ACSL5: variants seen among roughly 807,000 people sequenced by gnomAD.
The protein encoded by ACSL5 is long-chain-fatty-acid--CoA ligase 5.
In ACSL5, 50 loss-of-function variants were observed where a neutral mutation model predicts 84.9. That is an observed-to-expected ratio of 0.59 (90% CI 0.47 to 0.75). The LOEUF is 0.75. Among genes scored for constraint, ACSL5 ranks in the 30% least tolerant of loss-of-function variants. ACSL5 has a pLI of 0.00. For synonymous variants in ACSL5, 280 were observed against 300.7 expected, an observed-to-expected ratio of 0.93 and a Z score of 0.71; for missense variants, 775 against 830.4, an observed-to-expected ratio of 0.93 and a Z score of 0.82.
chr10:112,415,200 TGTTTTG>T (rs1403162790), intron 12 of ACSL5, among the ~76,000 whole-genome samples: 1 of 152,166 alleles, frequency 6.6e-6, no homozygotes, highest in Admixed American at 6.5e-5. Context: ...ATTTTTTTTT[TGTTTTG>T]TTTTTGTTTT....
chr10:112,420,914 G>T (rs1054456639), intron 14 of ACSL5, among the ~76,000 whole-genome samples: 1 of 152,002 alleles, frequency 6.6e-6, no homozygotes, highest in African/African-American at 2.4e-5. Flanking sequence ...TAGAGATGGG[G>T]TTTCACCATG....
intron 17 of ACSL5, among the ~76,000 whole-genome samples, chr10:112,422,791 G>T (rs928101529): frequency 2.4e-4 from 36 of 151,018 alleles, no homozygotes; most frequent in African/African-American, 8.5e-4. Flanking sequence ...AGGAGATAGA[G>T]GTTGCAGTGA....
rs761105037 is a variant in ACSL5 at position 112,392,569 on chromosome 10, G to A, written c.-29-2349G>A. Among the ~76,000 whole-genome samples, 9 of 151,974 alleles carry A rather than the reference G, an allele frequency of 5.9e-5. No individual in the cohort carries two copies. The South Asian group carries it at 8.3e-4, about 14-fold the overall frequency. On this transcript the variant is annotated intron_variant, in intron 1 of 20. Coordinates refer to ENST00000354655, the MANE Select transcript of ACSL5 (RefSeq NM_203379.2). ...ATCCTGGCCAACATAGTGAAACCCCGTCTCTACTAAAAATACAAAAAAGTA... is the reference window on the plus strand; with the variant it reads ...ATCCTGGCCAACATAGTGAAACCCCATCTCTACTAAAAATACAAAAAAGTA...
At chr10:112,382,779 G>A (rs2133566205) in intron 1 of ACSL5, among the ~76,000 whole-genome samples, 1 of 152,342 alleles carries the variant, frequency 6.6e-6, no homozygotes, top group African/African-American at 2.4e-5. Context: ...GTTAGATGCT[G>A]TCTAGCAATT....
intron 12 of ACSL5, among the ~76,000 whole-genome samples, chr10:112,414,142 A>G (rs1844257441): frequency 6.6e-6 from 1 of 152,128 alleles, no homozygotes; most frequent in Non-Finnish European, 1.5e-5. Context: ...TAGAAATTAC[A>G]GAATGGTGAT....
chr10:112,417,112 G>T, intron 13 of ACSL5, 90 bp downstream of exon 13: 2 of 1,429,768 alleles, frequency 1.4e-6, no homozygotes, highest in Non-Finnish European at 1.9e-6. Flanking sequence ...CTGCTTGAGC[G>T]TCACTTTAAC....
chr10:112,394,833 T>C (rs1843710998), intron 1 of ACSL5, 85 bp from the exon 2 acceptor site: 1 of 1,552,536 alleles, frequency 6.4e-7, no homozygotes, highest in East Asian at 2.2e-5. Context: ...TGTGTGTGTG[T>C]GTGTCCTTCT....
At chr10:112,378,768 C>T (rs1849292445) in intron 1 of ACSL5, among the ~76,000 whole-genome samples, 1 of 152,174 alleles carries the variant, frequency 6.6e-6, no homozygotes, top group Non-Finnish European at 1.5e-5. Flanking sequence ...GTCTATTTCT[C>T]CCCTCTATGT....
chr10:112,405,152 C>G (rs1223417654), intron 5 of ACSL5, among the ~76,000 whole-genome samples: 1 of 152,172 alleles, frequency 6.6e-6, no homozygotes, highest in Non-Finnish European at 1.5e-5. Context: ...AGTATTAGAA[C>G]TGAAACTTGC....
At chr10:112,382,677 T>G (rs752574381) in intron 1 of ACSL5, among the ~76,000 whole-genome samples, 1 of 152,178 alleles carries the variant, frequency 6.6e-6, no homozygotes, top group African/African-American at 2.4e-5. Context: ...CCTAATGATT[T>G]ATTTATGGTA....
intron 13 of ACSL5, among the ~76,000 whole-genome samples, chr10:112,417,585 G>C: frequency 6.6e-6 from 1 of 152,036 alleles, no homozygotes; most frequent in South Asian, 2.1e-4. Flanking sequence ...TAAGCAATTT[G>C]AGGGGCTGAA....
Position 112,413,088 on chromosome 10 carries a change from G to A in ACSL5, c.949-85G>A. On this transcript the variant is annotated intron_variant, in intron 11 of 20. Transcript: ENST00000354655. ...CCCACTGAAGGGGTTGTTTGCCTCA[G>A]CCCACCTCCTGAATTCCTTCCAAGA... 3 of 1,487,108 alleles carry A rather than the reference G, an allele frequency of 2.0e-6. No individual in the cohort carries two copies. The South Asian group carries it at 3.7e-5, about 19-fold the overall frequency. The allele number at this position is 1,487,108 out of a possible 1,614,324, so 92.1% of individuals were successfully genotyped here. A position where few individuals can be genotyped will look rare whatever the true frequency, so the allele number is the denominator to read the frequency against.
At chr10:112,394,611 A>T in intron 1 of ACSL5, 1 of 507,304 alleles carries the variant, frequency 2.0e-6, no homozygotes, top group Non-Finnish European at 2.5e-6. Context: ...CACCAACATT[A>T]AAAAGGCAGT....
intron 1 of ACSL5, among the ~76,000 whole-genome samples, chr10:112,378,748 A>G (rs752845517): frequency 1.3e-5 from 2 of 152,160 alleles, no homozygotes; most frequent in Non-Finnish European, 2.9e-5. Context: ...TCTGCTGGAA[A>G]TGCATCTGGG....
intron 1 of ACSL5, among the ~76,000 whole-genome samples, chr10:112,382,892 C>T (rs903434008): frequency 6.6e-6 from 1 of 152,210 alleles, no homozygotes; most frequent in Non-Finnish European, 1.5e-5. Context: ...TACTACTTAG[C>T]TACCACCTGG....
intron 1 of ACSL5, among the ~76,000 whole-genome samples, chr10:112,389,495 G>A (rs762248013): frequency 7.9e-5 from 12 of 152,138 alleles, no homozygotes; most frequent in African/African-American, 1.4e-4. Context: ...TGTATATTAC[G>A]TGAAACAGGA....
intron 1 of ACSL5, among the ~76,000 whole-genome samples, chr10:112,393,009 C>T (rs540557769): frequency 5.9e-5 from 9 of 152,210 alleles, no homozygotes; most frequent in Admixed American, 2.0e-4. Context: ...AAAACAGGCA[C>T]GGGCTTCTCC....
In ACSL5 at chr10:112,427,784, AAG is replaced by A. The variant is rs1430336378; in HGVS notation, c.*430_*431del. ...ATTTACATCTTCTACTGTTCAAACT[AAG>A]AGATTTTTAAATTCTGAAAAACTGC... is the stretch of plus-strand genomic sequence containing the variant. On this transcript the variant is annotated 3_prime_UTR_variant, in exon 21 of 21. Coordinates refer to ENST00000354655, the MANE Select transcript of ACSL5 (RefSeq NM_203379.2). 6.5e-6 allele frequency: 1 copy of A among 153,404 alleles called. No individual in the cohort carries two copies. The highest frequency in any genetic ancestry group is 2.4e-5 in the African/African-American group (1 of 41,472). The allele number at this position is 153,404 out of a possible 1,614,324, so 9.5% of individuals were successfully genotyped here.
At chr10:112,403,523 T>C (rs1171311816) in intron 3 of ACSL5, among the ~76,000 whole-genome samples, 1 of 152,226 alleles carries the variant, frequency 6.6e-6, no homozygotes, top group Non-Finnish European at 1.5e-5. Context: ...CAACCTCAGG[T>C]GATCTGCCCG....
Sources: gnomAD v4.1 joint callset for allele counts (sites outside exome capture counted in the v4.1 genomes callset) on GRCh38, gnomAD v4.1.1 for gene constraint, MANE v1.5 for transcripts, NCBI Gene and HGNC (gene_info 2026-07-23, HGNC 2026-07-21) for gene names.